The following PABPC4L variants were observed in gnomAD, a reference collection of about 807,000 sequenced individuals.
PABPC4L encodes poly(A) binding protein cytoplasmic 4 like, also known as polyadenylate-binding protein 4-like.
For synonymous variants in PABPC4L, 169 were observed against 164.1 expected (o/e 1.03, Z -0.23); for missense variants, 452 against 451.4 (o/e 1.00, Z -0.01).
Position 134,200,498 on chromosome 4 carries a change from G to GT in PABPC4L, c.521dup (p.Asn174LysfsTer6). On this transcript the variant is annotated frameshift_variant, in exon 2 of 2. Coordinates refer to ENST00000421491, the MANE Select transcript of PABPC4L (RefSeq NM_001114734.2). LOFTEE classifies it low-confidence loss of function (END_TRUNC). ...TGAGTTCAGCTTCACGATCTTTTCG[G>GT]TTTTTGAATCTGCCAACAAACACCT... 6.4e-7 allele frequency: 1 copy of GT among 1,551,550 alleles called. No individual in the cohort carries two copies. Among genetic ancestry groups the GT allele is most frequent in the Non-Finnish European group, 8.7e-7 (1 of 1,146,976 alleles).
At chr4:134,139,667 T>C in the PABPC4L span, among the ~76,000 whole-genome samples, 1 of 150,662 alleles carries the variant, frequency 6.6e-6, no homozygotes, top group Non-Finnish European at 1.5e-5. Flanking sequence ...AAATGTTCTA[T>C]TGGCTTAACA....
At chr4:134,007,267 G>T in the PABPC4L span, among the ~76,000 whole-genome samples, 2 of 151,406 alleles carry the variant, frequency 1.3e-5, no homozygotes, top group Admixed American at 6.6e-5. Flanking sequence ...GATGTTAATT[G>T]AAAGTTTTTA....
At chr4:134,170,619 G>A in the PABPC4L span, among the ~76,000 whole-genome samples, 2 of 152,038 alleles carry the variant, frequency 1.3e-5, no homozygotes, top group Non-Finnish European at 2.9e-5. Context: ...CAATGAGGGA[G>A]GAGGTGCTGC....
chr4:134,034,070 G>T, the PABPC4L span, among the ~76,000 whole-genome samples: 11 of 151,992 alleles, frequency 7.2e-5, no homozygotes, highest in African/African-American at 2.6e-4. Flanking sequence ...CTCTTGTTAC[G>T]AGAGGTAATC....
chr4:133,996,092 CT>C, the PABPC4L span, among the ~76,000 whole-genome samples: 4 of 152,180 alleles, frequency 2.6e-5, no homozygotes. Context: ...TATCTCTTCT[CT>C]TTTTTCCAAT....
the PABPC4L span, among the ~76,000 whole-genome samples, chr4:134,127,752 C>A: frequency 6.6e-6 from 1 of 152,114 alleles, no homozygotes; most frequent in Non-Finnish European, 1.5e-5. Flanking sequence ...TTCTTTAATA[C>A]CCCCAAAAGA....
the PABPC4L span, among the ~76,000 whole-genome samples, chr4:134,131,139 G>C: frequency 1.7e-4 from 26 of 152,156 alleles, no homozygotes; most frequent in South Asian, 6.2e-4. Context: ...CACAAGACAA[G>C]GATGCAAACT....
At chr4:134,080,125 A>C in the PABPC4L span, among the ~76,000 whole-genome samples, 1 of 152,154 alleles carries the variant, frequency 6.6e-6, no homozygotes, top group African/African-American at 2.4e-5. Context: ...ATGTGGTTTA[A>C]TCTAGTATTT....
the PABPC4L span, among the ~76,000 whole-genome samples, chr4:134,055,420 A>G: frequency 5.7e-5 from 8 of 141,022 alleles, no homozygotes. Flanking sequence ...TAGGGACACA[A>G]TGAGAAGATG....
At chr4:134,054,098 T>C in the PABPC4L span, among the ~76,000 whole-genome samples, 1 of 151,496 alleles carries the variant, frequency 6.6e-6, no homozygotes, top group Admixed American at 6.6e-5. Context: ...AGACAAATAA[T>C]AAACTTTAAT....
At chr4:134,038,662 G>T in the PABPC4L span, among the ~76,000 whole-genome samples, 3 of 152,062 alleles carry the variant, frequency 2.0e-5, no homozygotes, top group African/African-American at 7.2e-5. Context: ...GGGATCGGTG[G>T]TGATATCTCC....
chr4:134,160,891 GAAAA>G, the PABPC4L span, among the ~76,000 whole-genome samples: 1 of 151,652 alleles, frequency 6.6e-6, no homozygotes, highest in Non-Finnish European at 1.5e-5. Flanking sequence ...AAATTTAAAA[GAAAA>G]AAGAAAGAAA....
chr4:134,033,159 T>A, the PABPC4L span, among the ~76,000 whole-genome samples: 435 of 151,858 alleles, frequency 2.9e-3, 4 homozygotes, highest in African/African-American at 9.9e-3. Context: ...GTATTTCAAA[T>A]TTTTTCATCG....
the PABPC4L span, among the ~76,000 whole-genome samples, chr4:134,107,053 T>TCC: frequency 5.3e-5 from 8 of 151,476 alleles, no homozygotes; most frequent in Non-Finnish European, 7.4e-5. Flanking sequence ...ATATATTGAT[T>TCC]TTGTGACTTA....
chr4:134,200,755 C>T lies in PABPC4L; in HGVS notation c.265G>A (p.Asp89Asn), dbSNP rs1319665077. ...KSIRLMWSQR[D>N]AYLRRSGIGN... ...ATTCCAGATCTCCTCAAGTAGGCAT[C>T]GCGCTGAGACCACATGAGACGGATG... Residue 89 changes from aspartate (D) to asparagine (N), a missense_variant, in exon 2 of 2, where the codon GAT (aspartate) becomes AAT (asparagine). Transcript: ENST00000421491. 3 of 1,551,716 alleles carry T rather than the reference C, an allele frequency of 1.9e-6. No homozygotes were observed. Among genetic ancestry groups the T allele is most frequent in the East Asian group, 4.9e-5 (2 of 40,906 alleles).
the PABPC4L span, among the ~76,000 whole-genome samples, chr4:133,949,567 C>T: frequency 7.2e-4 from 110 of 152,110 alleles, no homozygotes; most frequent in Non-Finnish European, 1.4e-3. Context: ...TCCTATTAGC[C>T]CCTTTTACTT....
At chr4:134,033,168 C>A in the PABPC4L span, among the ~76,000 whole-genome samples, 1 of 151,482 alleles carries the variant, frequency 6.6e-6, no homozygotes, top group Admixed American at 6.6e-5. Flanking sequence ...ATTTTTTCAT[C>A]GCTATTATAT....
the PABPC4L span, among the ~76,000 whole-genome samples, chr4:134,060,969 A>G: frequency 6.6e-6 from 1 of 152,062 alleles, no homozygotes; most frequent in African/African-American, 2.4e-5. Flanking sequence ...GTTAATGGGT[A>G]CAAAAAATAC....
At chr4:133,986,320 T>C in the PABPC4L span, among the ~76,000 whole-genome samples, 3 of 151,970 alleles carry the variant, frequency 2.0e-5, no homozygotes, top group Non-Finnish European at 4.4e-5. Flanking sequence ...CTTACTAAGA[T>C]AGCAAAACAA....
Sources: gnomAD v4.1 joint callset for allele counts (sites outside exome capture counted in the v4.1 genomes callset) on GRCh38, gnomAD v4.1.1 for gene constraint, MANE v1.5 for transcripts, NCBI Gene and HGNC (gene_info 2026-07-23, HGNC 2026-07-21) for gene names.